SETX: variants seen among roughly 807,000 people sequenced by gnomAD.
The protein encoded by SETX is helicase senataxin.
In SETX, 90 loss-of-function variants were observed where a neutral mutation model predicts 227.2. That is an observed-to-expected ratio of 0.40 (90% CI 0.33 to 0.47). The LOEUF (loss-of-function observed/expected upper bound fraction) is 0.47, where lower values mean the gene tolerates loss of function less well. Among genes scored for constraint, SETX ranks in the 20% least tolerant of loss-of-function variants. The pLI, the probability that SETX is intolerant of heterozygous loss-of-function variation, is 0.91. For synonymous variants in SETX, 1,210 were observed against 1,113.2 expected (o/e 1.09, Z -1.73); for missense variants, 3,052 against 3,181.5 (o/e 0.96, Z 0.98).
intron 5 of SETX, among the ~76,000 whole-genome samples, chr9:132,337,436 TA>T (rs55840073): frequency 6.7e-6 from 1 of 149,022 alleles, no homozygotes; most frequent in Non-Finnish European, 1.5e-5. Flanking sequence ...CAACCAACCT[TA>T]AAAAAAAAAA....
In SETX at chr9:132,296,919, T is replaced by C. The variant is rs1280563801; in HGVS notation, c.5917A>G (p.Ile1973Val). The C allele has an allele frequency of 5.6e-6, 9 of 1,614,068 alleles. No homozygotes were observed. Among genetic ancestry groups the C allele is most frequent in the East Asian group, 2.2e-5 (1 of 44,878 alleles). The change falls in exon 14 of 26, where the codon ATT becomes GTT. Residue 1973 changes from isoleucine to valine, a missense_variant. Ile to Val is a conservative substitution (Grantham distance 29). Around this residue, in one of 10 missense-constraint regions of SETX, gnomAD observed 412 missense variants for 589.0 expected, o/e 0.70. Transcript: ENST00000224140. ...GPPGTGKSKT[I>V]VGLLYRLLTE... ...AGTAGACGATAGAGGAGGCCAACAA[T>C]AGTTTTTGATTTTCCTGTTCCAGGT... is the stretch of plus-strand genomic sequence containing the variant.
At chr9:132,283,231 T>C (rs201715558) in intron 19 of SETX, 33 bp downstream of exon 19, 6 of 1,613,522 alleles carry the variant, frequency 3.7e-6, no homozygotes, top group Admixed American at 1.7e-5. Context: ...CTCATAGTAG[T>C]AGTCAAAGTT....
At chr9:132,297,164 G>C in intron 13 of SETX, 110 bp from the exon 14 acceptor site, 2 of 913,430 alleles carry the variant, frequency 2.2e-6, no homozygotes, top group Non-Finnish European at 3.4e-6. Context: ...TGAGACAAAA[G>C]CTTTGGTTAT....
Position 132,264,589 on chromosome 9 carries a change from T to C in SETX, c.7684A>G (p.Ser2562Gly). The C allele has an allele frequency of 6.2e-7, 1 of 1,614,140 alleles. No individual in the cohort carries two copies. The highest frequency in any genetic ancestry group is 1.7e-5 in the Admixed American group (1 of 60,002). Residue 2562 changes from serine (S) to glycine (G), a missense_variant, in exon 26 of 26, where the codon AGC (serine) becomes GGC (glycine). Coordinates refer to ENST00000224140, the MANE Select transcript of SETX (RefSeq NM_015046.7). Reference sequence around the variant, plus strand: ...GGTGTTGCTCCAGGATGCTGGGGGCTCGAGGGTTGTGGATCCCAAAGGAAT... The same window carrying C: ...GGTGTTGCTCCAGGATGCTGGGGGCCCGAGGGTTGTGGATCCCAAAGGAAT... ...GIFLWDPQPSSPQHPGATPPT... is the reference protein window; with the variant it reads ...GIFLWDPQPSGPQHPGATPPT...
intron 23 of SETX, among the ~76,000 whole-genome samples, chr9:132,274,397 A>T (rs1235367391): frequency 2.0e-5 from 3 of 147,422 alleles, no homozygotes; most frequent in African/African-American, 7.5e-5. Context: ...GCTTTTCATT[A>T]TTGGGAAATG....
rs1166857417 is a variant in SETX, at chr9:132,264,566, T to C, written c.7707A>G (p.Thr2569=). Residue 2569 remains threonine, a synonymous_variant, in exon 26 of 26, where the codon ACA becomes ACG. Coordinates refer to ENST00000224140, the MANE Select transcript of SETX (RefSeq NM_015046.7). ...GGAAGCCCGGCTCGCCCGTAGGAGG[T>C]GTTGCTCCAGGATGCTGGGGGCTCG... ...QPSSPQHPGA[T]PPTGEPGFPV... 2 of 1,613,684 alleles carry C rather than the reference T, an allele frequency of 1.2e-6. No individual in the cohort carries two copies.
At chr9:132,266,575 G>C (rs1002222878) in intron 25 of SETX, among the ~76,000 whole-genome samples, 1 of 152,024 alleles carries the variant, frequency 6.6e-6, no homozygotes, top group African/African-American at 2.4e-5. Flanking sequence ...GGTTCAAGAC[G>C]AGCCTGGGCA....
chr9:132,278,050 A>T lies in SETX; in HGVS notation c.6842+20T>A. The stretch of plus-strand genomic sequence containing the variant: ...CTAAACTACAACAAAATAAGGTCAC[A>T]AACAATAAGGGGAACTCACCTATTT... On this transcript the variant is annotated intron_variant, in intron 21 of 25. Transcript: ENST00000224140. 6.2e-7 allele frequency: 1 copy of T among 1,608,178 alleles called. No individual in the cohort carries two copies. The highest frequency in any genetic ancestry group is 2.2e-5 in the East Asian group (1 of 44,858).
intron 23 of SETX, among the ~76,000 whole-genome samples, chr9:132,273,164 GTTTT>G (rs143471335): frequency 4.0e-5 from 6 of 149,348 alleles, no homozygotes; most frequent in East Asian, 2.0e-4. Context: ...TATTTAGGTG[GTTTT>G]TTTTTTGTTT....
Position 132,292,142 on chromosome 9 carries a change from TATATA to T in SETX, c.6107-3496_6107-3492del, listed in dbSNP as rs1844357644. Among the ~76,000 whole-genome samples, 3 of 152,240 alleles carry T rather than the reference TATATA, an allele frequency of 2.0e-5. No homozygotes were observed. The South Asian group carries it at 6.2e-4, about 32-fold the overall frequency. ...GTCACATGTGCATTTAGGGAATAAA[TATATA>T]ATACAGCAAACGTGGTCAGGGGCAG... On this transcript the variant is annotated intron_variant, in intron 15 of 25. Coordinates refer to ENST00000224140, the MANE Select transcript of SETX (RefSeq NM_015046.7).
chr9:132,337,603 T>C (rs1410475916), intron 5 of SETX, among the ~76,000 whole-genome samples: 1 of 152,202 alleles, frequency 6.6e-6, no homozygotes, highest in Non-Finnish European at 1.5e-5. Context: ...GGTAAAAGCA[T>C]GAGCTCTATG....
intron 6 of SETX, among the ~76,000 whole-genome samples, chr9:132,335,331 C>G (rs1488889479): frequency 8.0e-6 from 1 of 124,446 alleles, no homozygotes; most frequent in South Asian, 2.6e-4. Context: ...GCGGATCTTG[C>G]AGTGAGCCGA....
chr9:132,269,655 T>C lies in SETX; in HGVS notation c.7247A>G (p.Lys2416Arg), dbSNP rs774026481. The change falls in exon 25 of 26, where the codon AAG (lysine) becomes AGG (arginine). Residue 2416 changes from lysine (K) to arginine (R), a missense_variant. Lys to Arg is a conservative substitution (Grantham distance 26, BLOSUM62 2). Around this residue, in one of 10 missense-constraint regions of SETX, gnomAD observed 412 missense variants for 589.0 expected, o/e 0.70. Transcript: ENST00000224140. ...ATGTCCGAGGATGAAGAGGCTGTACTTGGCTCGTGTGATGGTGACATTCAA... is the reference window on the plus strand; with the variant it reads ...ATGTCCGAGGATGAAGAGGCTGTACCTGGCTCGTGTGATGGTGACATTCAA... ...QRLNVTITRA[K>R]YSLFILGHLR... The C allele has an allele frequency of 6.2e-7, 1 of 1,614,240 alleles. No individual in the cohort carries two copies. Among genetic ancestry groups the C allele is most frequent in the Admixed American group, 1.7e-5 (1 of 60,028 alleles).
chr9:132,311,392 G>T (rs1845642718), intron 11 of SETX, among the ~76,000 whole-genome samples: 1 of 152,066 alleles, frequency 6.6e-6, no homozygotes, highest in African/African-American at 2.4e-5. Flanking sequence ...TATAAAAGTG[G>T]TATGTGGTTC....
chr9:132,294,135 C>A (rs549764500), intron 15 of SETX, among the ~76,000 whole-genome samples: 1 of 152,162 alleles, frequency 6.6e-6, no homozygotes, highest in South Asian at 2.1e-4. Flanking sequence ...CTTAAGCTCA[C>A]GCCACCAGGG....
intron 12 of SETX, among the ~76,000 whole-genome samples, chr9:132,300,237 T>C (rs926542740): frequency 6.7e-6 from 1 of 149,464 alleles, no homozygotes; most frequent in Admixed American, 6.7e-5. Flanking sequence ...GGGAGAAACA[T>C]ACAACGGATG....
At chr9:132,272,475 TAA>T (rs201380297) in intron 23 of SETX, among the ~76,000 whole-genome samples, 1 of 144,222 alleles carries the variant, frequency 6.9e-6, no homozygotes, top group Admixed American at 6.9e-5. Context: ...TAAAGAAACT[TAA>T]AAAAAAAAAG....
At position 132,287,740 on chromosome 9, in the gene SETX, GA is replaced by G. The variant is rs570365690; in HGVS notation, c.6324+495del. On this transcript the variant is annotated intron_variant, in intron 17 of 25. Transcript: ENST00000224140. ...AAGTAATTTTAATAAAAGAAAAAAT[GA>G]AAAAAAAAATTAAAACCAAAAGGAC... is the stretch of plus-strand genomic sequence containing the variant. Among the ~76,000 whole-genome samples, 271 of 67,790 alleles carry G rather than the reference GA, an allele frequency of 4.0e-3. 2 individuals are homozygous for G. The highest frequency in any genetic ancestry group is 0.016 in the East Asian group (43 of 2,670). The allele number at this position is 67,790 out of a possible 152,430, so 44.5% of individuals were successfully genotyped here. A position where few individuals can be genotyped will look rare whatever the true frequency, so the allele number is the denominator to read the frequency against.
Position 132,302,426 on chromosome 9 carries a change from G to A in SETX, c.5375-1623C>T, listed in dbSNP as rs569277699. 8.0e-5 allele frequency among the ~76,000 whole-genome samples: 12 copies of A among 149,310 alleles called. No homozygotes were observed. In the East Asian group the frequency reaches 1.4e-3, roughly 18 times the overall value. ...TGTAATCCCAGCACTTTGGGAGGCC[G>A]AGACGGGCGGATCACCTGAGGTCAG... On this transcript the variant is annotated intron_variant, in intron 11 of 25. Transcript: ENST00000224140.
Sources: allele counts gnomAD v4.1 joint callset (sites outside exome capture counted in the v4.1 genomes callset), GRCh38; gene constraint gnomAD v4.1.1; regional missense constraint gnomAD v4.1.1; transcripts MANE v1.5; gene names NCBI Gene and HGNC (gene_info 2026-07-23, HGNC 2026-07-21).